Variants in DBNDD2 observed in about 807,000 individuals in gnomAD.
The protein encoded by DBNDD2 is dysbindin domain containing 2, also known as dysbindin domain-containing protein 2.
Under a neutral mutation model 14.0 loss-of-function variants are expected in DBNDD2, and 8 were observed. The observed-to-expected ratio is 0.57, with a 90% confidence interval of 0.33 to 1.03. DBNDD2 has a LOEUF of 1.03. DBNDD2 is among the 50% of genes least tolerant of loss of function. The pLI is 0.03. For missense variants in DBNDD2, 194 were observed against 206.0 expected (o/e 0.94, Z 0.36); for synonymous variants, 94 against 85.3 (o/e 1.10, Z -0.56).
intron 1 of DBNDD2, 54 bp downstream of exon 1, chr20:45,408,660 G>A: frequency 6.3e-7 from 1 of 1,594,248 alleles, no homozygotes; most frequent in Non-Finnish European, 8.6e-7. Flanking sequence ...AGGATGTCCT[G>A]TGGGTCCTGA....
At chr20:45,406,750 G>T, upstream of DBNDD2, 4 of 1,265,906 alleles carry the variant, frequency 3.2e-6, no homozygotes, top group South Asian at 1.2e-4. Context: ...CTCCGGCGGC[G>T]GTGGGCGCAG....
upstream of DBNDD2, chr20:45,406,265 C>A: frequency 1.8e-6 from 1 of 558,078 alleles, no homozygotes; most frequent in Non-Finnish European, 3.1e-6. Flanking sequence ...GGTGCGTAGT[C>A]GTTGCGTGGG....
upstream of DBNDD2, chr20:45,406,606 G>T (rs889208005): frequency 7.0e-7 from 1 of 1,433,454 alleles, no homozygotes; most frequent in Non-Finnish European, 9.2e-7. Context: ...CGGCTCCCAG[G>T]GCCCGTCGGT....
intron 2 of DBNDD2, 25 bp downstream of exon 2, chr20:45,408,963 T>G: frequency 6.2e-7 from 1 of 1,614,068 alleles, no homozygotes; most frequent in Non-Finnish European, 8.5e-7. Flanking sequence ...TTTGGGGACT[T>G]CAGTGCCAGT....
chr20:45,408,342 C>G lies in DBNDD2; in HGVS notation c.-126C>G. 1 of 1,606,726 alleles carries G rather than the reference C, an allele frequency of 6.2e-7. No individual in the cohort carries two copies. Among genetic ancestry groups the G allele is most frequent in the Admixed American group, 1.7e-5 (1 of 58,602 alleles). ...GTCACCAAGGGCAGAGGTGTCCAGG[C>G]CGGAGCCAGGGGCCCCACTGTTGGG... is the stretch of plus-strand genomic sequence containing the variant. On this transcript the variant is annotated 5_prime_UTR_variant, in exon 1 of 3. Coordinates refer to ENST00000372710, the MANE Select transcript of DBNDD2 (RefSeq NM_001048225.4).
upstream of DBNDD2, chr20:45,407,442 G>GA (rs1250622059): frequency 1.0e-6 from 1 of 985,742 alleles, no homozygotes; most frequent in Non-Finnish European, 1.2e-6. Context: ...GATGACGTCT[G>GA]ATCCTCAAGC....
At chr20:45,406,565 CCACTTCCGCCTCCCGCCTCTTCCT>C, upstream of DBNDD2, 1 of 1,490,078 alleles carries the variant, frequency 6.7e-7, no homozygotes, top group African/African-American at 1.5e-5. Flanking sequence ...CGCCCCTCCC[CCACTTCCGCCTCCCGCCTCTTCCT>C]CGTTCCCGGC....
upstream of DBNDD2, chr20:45,408,200 A>G: frequency 6.4e-7 from 1 of 1,551,060 alleles, no homozygotes; most frequent in Non-Finnish European, 8.7e-7. Flanking sequence ...CTGAATACAG[A>G]GTATCTCTCT....
At chr20:45,406,074 C>G (rs1030830595), upstream of DBNDD2, 4 of 188,286 alleles carry the variant, frequency 2.1e-5, no homozygotes, top group South Asian at 4.7e-4. Context: ...CAGGGGCAGC[C>G]GGGCGAGTCC....
chr20:45,409,352 C>T (rs991792685), intron 2 of DBNDD2, among the ~76,000 whole-genome samples: 29 of 152,144 alleles, frequency 1.9e-4, no homozygotes, highest in Admixed American at 6.5e-5. Context: ...ATCCTTACAA[C>T]GTCCTGTCAG....
At chr20:45,408,992 A>G (rs769380105) in intron 2 of DBNDD2, 54 bp downstream of exon 2, 2 of 1,614,038 alleles carry the variant, frequency 1.2e-6, no homozygotes, top group Middle Eastern at 1.7e-4. Flanking sequence ...GCCGGATGTC[A>G]GGCTCTGAAA....
At chr20:45,407,529 C>T, upstream of DBNDD2, 1 of 985,932 alleles carries the variant, frequency 1.0e-6, no homozygotes, top group Non-Finnish European at 1.2e-6. Context: ...AATGAATGCA[C>T]CGACCTGGGC....
rs777057381 is a variant in DBNDD2, at chr20:45,408,354, G to A, written c.-114G>A. The A allele has an allele frequency of 1.9e-6, 3 of 1,611,614 alleles. No individual in the cohort carries two copies. The highest frequency in any genetic ancestry group is 1.3e-5 in the African/African-American group (1 of 74,900). On this transcript the variant is annotated 5_prime_UTR_variant, in exon 1 of 3. Transcript: ENST00000372710. The stretch of plus-strand genomic sequence containing the variant: ...AGAGGTGTCCAGGCCGGAGCCAGGG[G>A]CCCCACTGTTGGGATGCTGGCTGCA...
upstream of DBNDD2, chr20:45,407,907 C>T: frequency 1.6e-6 from 2 of 1,288,492 alleles, no homozygotes; most frequent in African/African-American, 1.5e-5. Context: ...ATGGCACATG[C>T]GTGTGTACGT....
chr20:45,407,949 C>T (rs1338238656), upstream of DBNDD2: 10 of 1,382,240 alleles, frequency 7.2e-6, no homozygotes, highest in Non-Finnish European at 9.3e-6. Flanking sequence ...AGGAGGGGCG[C>T]GGGAGGAGTT....
Position 45,410,350 on chromosome 20 carries a change from T to C in DBNDD2, c.*210T>C, listed in dbSNP as rs1026716914. The C allele has an allele frequency of 1.6e-6, 1 of 609,578 alleles. No individual in the cohort carries two copies. The highest frequency in any genetic ancestry group is 3.0e-5 in the Admixed American group (1 of 33,344). The allele number at this position is 609,578 out of a possible 1,614,324, so 37.8% of individuals were successfully genotyped here. A position where few individuals can be genotyped will look rare whatever the true frequency, so the allele number is the denominator to read the frequency against. ...CCTGCTGCAACCCTCCCACCAGTTT[T>C]TGGCTTACTCCTGAGATATGATTTG... On this transcript the variant is annotated 3_prime_UTR_variant, in exon 3 of 3. Coordinates refer to ENST00000372710, the MANE Select transcript of DBNDD2 (RefSeq NM_001048225.4).
chr20:45,407,326 T>G, upstream of DBNDD2: 1 of 985,754 alleles, frequency 1.0e-6, no homozygotes, highest in Non-Finnish European at 1.2e-6. Context: ...GGCCCTGCCT[T>G]GGCCAGTCGG....
chr20:45,409,267 TA>T (rs1166602208), intron 2 of DBNDD2, among the ~76,000 whole-genome samples: 9 of 152,376 alleles, frequency 5.9e-5, no homozygotes, highest in African/African-American at 2.2e-4. Flanking sequence ...TTAGTCATTA[TA>T]ATGATATTAA....
chr20:45,407,429 G>A (rs74174950), upstream of DBNDD2: 1 of 985,922 alleles, frequency 1.0e-6, no homozygotes, highest in Non-Finnish European at 1.2e-6. Context: ...GCAGTCTGCG[G>A]AGGATGACGT....
Sources: gnomAD v4.1 joint callset for allele counts (sites outside exome capture counted in the v4.1 genomes callset) on GRCh38, gnomAD v4.1.1 for gene constraint, MANE v1.5 for transcripts, NCBI Gene and HGNC (gene_info 2026-07-23, HGNC 2026-07-21) for gene names.